PLAG1: variants seen among roughly 807,000 people sequenced by gnomAD.
PLAG1 encodes the protein PLAG1 zinc finger, also known as zinc finger protein PLAG1.
A neutral mutation model predicts 35.5 loss-of-function variants in PLAG1; 7 were observed. The ratio of observed to expected loss-of-function variants is 0.20; its 90% CI spans 0.11 to 0.37. The LOEUF (loss-of-function observed/expected upper bound fraction) is 0.37. Among genes scored for constraint, PLAG1 ranks in the 10% least tolerant of loss-of-function variants. The pLI is 1.00. For missense variants in PLAG1, 454 were observed against 602.8 expected (o/e 0.75, Z 2.58); for synonymous variants, 229 against 225.4 (o/e 1.02, Z -0.14).
intron 1 of PLAG1, among the ~76,000 whole-genome samples, chr8:56,183,180 T>C (rs1811922532): frequency 6.6e-6 from 1 of 152,216 alleles, no homozygotes; most frequent in African/African-American, 2.4e-5. Context: ...GATGGGAGTG[T>C]AAATTGTTGA....
At chr8:56,189,270 C>T (rs191859638) in intron 1 of PLAG1, among the ~76,000 whole-genome samples, 1 of 152,302 alleles carries the variant, frequency 6.6e-6, no homozygotes, top group East Asian at 1.9e-4. Context: ...TTTGAAAATT[C>T]TCTTGGATTT....
At chr8:56,170,191 A>C (rs375868832) in intron 3 of PLAG1, among the ~76,000 whole-genome samples, 14 of 152,342 alleles carry the variant, frequency 9.2e-5, no homozygotes, top group African/African-American at 3.4e-4. Flanking sequence ...GTCTTTCTTT[A>C]TTAGGTAGAT....
At chr8:56,197,248 G>T (rs1812406817) in intron 1 of PLAG1, among the ~76,000 whole-genome samples, 1 of 152,100 alleles carries the variant, frequency 6.6e-6, no homozygotes, top group African/African-American at 2.4e-5. Context: ...CACATCCGGG[G>T]CTGTGTGTCT....
At position 56,162,175 on chromosome 8, in the gene PLAG1, G is replaced by A. The variant is rs116659612; in HGVS notation, c.*4068C>T. 1,648 of 228,546 alleles carry A rather than the reference G, an allele frequency of 7.2e-3. 20 individuals are homozygous for A. Among genetic ancestry groups the A allele is most frequent in the African/African-American group, 0.03 (1,375 of 45,180 alleles). The allele number at this position is 228,546 out of a possible 1,614,324, so 14.2% of individuals were successfully genotyped here. A position where few individuals can be genotyped will look rare whatever the true frequency, so the allele number is the denominator to read the frequency against. On this transcript the variant is annotated 3_prime_UTR_variant, in exon 5 of 5. Transcript: ENST00000316981. ...TGCTGACACAGTGTGAGAAAAACAA[G>A]ACAAATTCAACTTAGGCACACATTT...
At chr8:56,207,875 A>C (rs1050336002) in intron 1 of PLAG1, among the ~76,000 whole-genome samples, 17 of 152,094 alleles carry the variant, frequency 1.1e-4, no homozygotes, top group Admixed American at 6.5e-4. Flanking sequence ...AGATTGGTGC[A>C]CTCTGAGTGC....
In PLAG1 at chr8:56,166,753, A is replaced by G; in HGVS notation, c.993T>C (p.Ser331=). Residue 331 remains serine (S), a synonymous_variant, in exon 5 of 5, where the codon TCT becomes TCC. Transcript: ENST00000316981. ...MDTVHPSHHL[S]FKYPFSSTSY... ...AGGTAGAACTGAACGGATATTTGAA[A>G]GAAAGGTGGTGAGAGGGATGAACAG... is the stretch of plus-strand genomic sequence containing the variant. The G allele has an allele frequency of 1.2e-6, 2 of 1,614,132 alleles. No individual in the cohort carries two copies. The highest frequency in any genetic ancestry group is 1.7e-6 in the Non-Finnish European group (2 of 1,179,986).
rs2129223760 is a variant in PLAG1, at chr8:56,164,709, TATTA to T, written c.*1530_*1533del. ...GTCCCAACTGACCCTTAGAAAAATA[TATTA>T]ATTAGACCTTTAAGAAGATTATGTT... On this transcript the variant is annotated 3_prime_UTR_variant, in exon 5 of 5. Coordinates refer to ENST00000316981, the MANE Select transcript of PLAG1 (RefSeq NM_002655.3). 1 of 218,028 alleles carries T rather than the reference TATTA, an allele frequency of 4.6e-6. No homozygotes were observed. The highest frequency in any genetic ancestry group is 5.8e-5 in the Admixed American group (1 of 17,250). The allele number at this position is 218,028 out of a possible 1,614,324, so 13.5% of individuals were successfully genotyped here.
chr8:56,166,424 C>A lies in PLAG1; in HGVS notation c.1322G>T (p.Gly441Val). ...PYNPLSVGSLGMSYSQEEAHS... is the reference protein window; with the variant it reads ...PYNPLSVGSLVMSYSQEEAHS... Reference sequence around the variant, plus strand: ...TGCTTCTTCCTGGGAATAGCTCATTCCAAGGCTCCCCACTGATAGAGGATT... The same window carrying A: ...TGCTTCTTCCTGGGAATAGCTCATTACAAGGCTCCCCACTGATAGAGGATT... The change falls in exon 5 of 5, where the codon GGA (glycine) becomes GTA (valine). Residue 441 changes from glycine (G) to valine (V), a missense_variant. This residue lies in a region of PLAG1 where 271 missense variants were observed against 315.6 expected (regional missense o/e 0.86). Coordinates refer to ENST00000316981, the MANE Select transcript of PLAG1 (RefSeq NM_002655.3). 6.2e-7 allele frequency: 1 copy of A among 1,613,040 alleles called. No individual in the cohort carries two copies. Among genetic ancestry groups the A allele is most frequent in the South Asian group, 1.1e-5 (1 of 90,912 alleles).
Position 56,166,189 on chromosome 8 carries a change from C to A in PLAG1, c.*54G>T. 3 of 1,291,106 alleles carry A rather than the reference C, an allele frequency of 2.3e-6. No individual in the cohort carries two copies. The South Asian group carries it at 5.0e-5, about 21-fold the overall frequency. The allele number at this position is 1,291,106 out of a possible 1,614,324, so 80.0% of individuals were successfully genotyped here. A position where few individuals can be genotyped will look rare whatever the true frequency, so the allele number is the denominator to read the frequency against. On this transcript the variant is annotated 3_prime_UTR_variant, in exon 5 of 5. Coordinates refer to ENST00000316981, the MANE Select transcript of PLAG1 (RefSeq NM_002655.3). ...AAGTAGGCACTAAAATAAAAATGGTCATCTAGGGCACAGCTACACATACAT... is the reference window on the plus strand; with the variant it reads ...AAGTAGGCACTAAAATAAAAATGGTAATCTAGGGCACAGCTACACATACAT...
chr8:56,177,857 G>C (rs1328314844), intron 2 of PLAG1: 1 of 153,618 alleles, frequency 6.5e-6, no homozygotes, highest in African/African-American at 2.4e-5. Flanking sequence ...TAGGAACTTA[G>C]GGAAAGCACC....
chr8:56,173,021 G>T lies in PLAG1; in HGVS notation c.-216-1832C>A, dbSNP rs150365875. 4.3e-3 allele frequency among the ~76,000 whole-genome samples: 648 copies of T among 152,218 alleles called. 6 individuals carry two copies. The highest frequency in any genetic ancestry group is 0.015 in the African/African-American group (629 of 41,568). ...ACAAATTGAAAACCCAAGTTAACTA[G>T]TAAACAATAAGTTTATGTATTTTTT... On this transcript the variant is annotated intron_variant, in intron 2 of 4. Transcript: ENST00000316981.
chr8:56,196,951 CGTGTGTGTGTGTGTGT>C (rs10534078), intron 1 of PLAG1, among the ~76,000 whole-genome samples: 2 of 142,962 alleles, frequency 1.4e-5, no homozygotes, highest in Admixed American at 1.4e-4. Flanking sequence ...CCCTAGTGTG[CGTGTGTGTGTGTGTGT>C]GTGTGTGTGT....
At chr8:56,177,437 G>A (rs1168397241) in intron 2 of PLAG1, among the ~76,000 whole-genome samples, 3 of 152,088 alleles carry the variant, frequency 2.0e-5, no homozygotes, top group South Asian at 2.1e-4. Context: ...GTACTCTCCT[G>A]GCTGGAACAA....
At chr8:56,192,737 T>G (rs1812224150) in intron 1 of PLAG1, among the ~76,000 whole-genome samples, 1 of 152,240 alleles carries the variant, frequency 6.6e-6, no homozygotes, top group Non-Finnish European at 1.5e-5. Context: ...ATGTATTTCT[T>G]CCACATTCAA....
rs940782184 is a variant in PLAG1 at position 56,165,240 on chromosome 8, T to C, written c.*1003A>G. ...GTAACCATGTGCTTCACGTCTATCTTCCTGCTTAGAAGTCTGTCACCCACA... is the reference window on the plus strand; with the variant it reads ...GTAACCATGTGCTTCACGTCTATCTCCCTGCTTAGAAGTCTGTCACCCACA... On this transcript the variant is annotated 3_prime_UTR_variant, in exon 5 of 5. Coordinates refer to ENST00000316981, the MANE Select transcript of PLAG1 (RefSeq NM_002655.3). 4 of 213,522 alleles carry C rather than the reference T, an allele frequency of 1.9e-5. No homozygotes were observed. Among genetic ancestry groups the C allele is most frequent in the Non-Finnish European group, 3.8e-5 (4 of 105,624 alleles). 13.2% of individuals were successfully genotyped at this position (213,522 alleles called of 1,614,324 possible). A position where few individuals can be genotyped will look rare whatever the true frequency, so the allele number is the denominator to read the frequency against.
intron 1 of PLAG1, among the ~76,000 whole-genome samples, chr8:56,197,167 C>G (rs1328801834): frequency 2.6e-5 from 4 of 152,028 alleles, no homozygotes; most frequent in African/African-American, 7.3e-5. Flanking sequence ...CTGCATGCTT[C>G]TGTGTGTGTA....
At chr8:56,181,798 G>A (rs1220986053) in intron 1 of PLAG1, among the ~76,000 whole-genome samples, 2 of 152,294 alleles carry the variant, frequency 1.3e-5, no homozygotes, top group East Asian at 3.9e-4. Flanking sequence ...CGTGGTATCA[G>A]AGTGACAAAT....
At chr8:56,185,016 T>C (rs968977736) in intron 1 of PLAG1, among the ~76,000 whole-genome samples, 2 of 152,196 alleles carry the variant, frequency 1.3e-5, no homozygotes, top group South Asian at 4.1e-4. Flanking sequence ...GGGCTACTAA[T>C]CAGCAGCAAA....
At chr8:56,184,376 T>C (rs184841567) in intron 1 of PLAG1, among the ~76,000 whole-genome samples, 414 of 152,314 alleles carry the variant, frequency 2.7e-3, no homozygotes, top group African/African-American at 9.2e-3. Flanking sequence ...CTATCTACCA[T>C]GGACAGGAAG....
Sources: gnomAD v4.1 joint callset for allele counts (sites outside exome capture counted in the v4.1 genomes callset) on GRCh38, gnomAD v4.1.1 for gene constraint, gnomAD v4.1.1 regional missense constraint, MANE v1.5 for transcripts, NCBI Gene and HGNC (gene_info 2026-07-23, HGNC 2026-07-21) for gene names.